ZNF239: variants seen among roughly 807,000 people sequenced by gnomAD.
The protein encoded by ZNF239 is zinc finger protein 239.
In ZNF239, 16 loss-of-function variants were observed where a neutral mutation model predicts 27.5. That is an observed-to-expected ratio of 0.58 (90% CI 0.39 to 0.88). The LOEUF (loss-of-function observed/expected upper bound fraction) is 0.88. ZNF239 is among the 40% of genes least tolerant of loss of function. ZNF239 has a pLI of 0.00. For synonymous variants in ZNF239, 199 were observed against 192.6 expected (o/e 1.03, Z -0.27); for missense variants, 527 against 551.9 (o/e 0.95, Z 0.45).
At chr10:43,559,375 G>A (rs551869814) in intron 3 of ZNF239, among the ~76,000 whole-genome samples, 1 of 152,292 alleles carries the variant, frequency 6.6e-6, no homozygotes, top group South Asian at 2.1e-4. Flanking sequence ...GAGAGAATAG[G>A]AGAAATTCAT....
Position 43,565,935 on chromosome 10 carries a change from T to A in ZNF239, c.-93+1964A>T, listed in dbSNP as rs1045129273. Reference sequence around the variant, plus strand: ...CTATGATTTCATGCATGACAAAGAATTTCAAGAGAAGGTCAACACTATAGA... The same window carrying A: ...CTATGATTTCATGCATGACAAAGAAATTCAAGAGAAGGTCAACACTATAGA... On this transcript the variant is annotated intron_variant, in intron 3 of 3. Transcript: ENST00000374446. Among the ~76,000 whole-genome samples, 25 of 151,186 alleles carry A rather than the reference T, an allele frequency of 1.7e-4. 1 individual carries two copies. Among genetic ancestry groups the A allele is most frequent in the Non-Finnish European group, 2.9e-4 (20 of 67,904 alleles).
At chr10:43,562,240 A>G (rs978825351) in intron 3 of ZNF239, among the ~76,000 whole-genome samples, 2 of 152,248 alleles carry the variant, frequency 1.3e-5, no homozygotes, top group Non-Finnish European at 2.9e-5. Context: ...ACCATTTTCC[A>G]CCTGTTACAC....
chr10:43,565,964 C>G (rs1271911289), intron 3 of ZNF239, among the ~76,000 whole-genome samples: 1 of 151,486 alleles, frequency 6.6e-6, no homozygotes, highest in Non-Finnish European at 1.5e-5. Flanking sequence ...CTATAGAAAC[C>G]ATCAATAAAA....
intron 3 of ZNF239, among the ~76,000 whole-genome samples, chr10:43,559,492 T>C (rs547228064): frequency 6.6e-6 from 1 of 152,112 alleles, no homozygotes; most frequent in East Asian, 1.9e-4. Flanking sequence ...TATAATCAGA[T>C]AGGAAATGCA....
At chr10:43,565,200 C>T (rs1365718242) in intron 3 of ZNF239, among the ~76,000 whole-genome samples, 2 of 152,152 alleles carry the variant, frequency 1.3e-5, no homozygotes, top group African/African-American at 4.8e-5. Context: ...TCTCCTGCCT[C>T]AGCCTCCTGA....
chr10:43,562,781 T>C (rs1304741439), intron 3 of ZNF239, among the ~76,000 whole-genome samples: 1 of 151,790 alleles, frequency 6.6e-6, no homozygotes, highest in Non-Finnish European at 1.5e-5. Context: ...ATGGCAAAAA[T>C]GAAAAAGAAA....
intron 2 of ZNF239, chr10:43,568,561 A>C: frequency 1.5e-6 from 1 of 685,164 alleles, no homozygotes; most frequent in African/African-American, 1.9e-5. Flanking sequence ...TTCTAAACTA[A>C]GTAGTTGAAC....
At chr10:43,558,558 C>T (rs1232626568) in intron 3 of ZNF239, among the ~76,000 whole-genome samples, 2 of 152,046 alleles carry the variant, frequency 1.3e-5, no homozygotes, top group Non-Finnish European at 2.9e-5. Flanking sequence ...AAGCAATTTT[C>T]CCACCTCAGC....
chr10:43,559,022 AG>A, intron 3 of ZNF239, among the ~76,000 whole-genome samples: 1 of 152,312 alleles, frequency 6.6e-6, no homozygotes, highest in South Asian at 2.1e-4. Context: ...AGAAAATGAC[AG>A]GAAAAACAAA....
intron 3 of ZNF239, among the ~76,000 whole-genome samples, chr10:43,559,460 G>C (rs535750380): frequency 1.3e-5 from 2 of 152,334 alleles, no homozygotes; most frequent in African/African-American, 4.8e-5. Flanking sequence ...ATTCCTGCCT[G>C]AGTGACGGTA....
At position 43,557,819 on chromosome 10, in the gene ZNF239, C is replaced by T. The variant is rs1374361657; in HGVS notation, c.261G>A (p.Gln87=). The change falls in exon 4 of 4, where the codon CAG becomes CAA. Residue 87 remains glutamine (Q), a synonymous_variant. Transcript: ENST00000374446. ...SSVKFCKNEP[Q]DHQESRRLFV... ...AGAGACGTCTGCTTTCCTGATGATC[C>T]TGAGGCTCATTCTTACAGAACTTCA... 1.1e-5 allele frequency: 18 copies of T among 1,614,098 alleles called. No homozygotes were observed. Among genetic ancestry groups the T allele is most frequent in the Non-Finnish European group, 1.5e-5 (18 of 1,180,056 alleles).
intron 3 of ZNF239, among the ~76,000 whole-genome samples, chr10:43,566,872 T>A (rs547404349): frequency 6.6e-5 from 10 of 152,248 alleles, no homozygotes; most frequent in Non-Finnish European, 1.3e-4. Flanking sequence ...TTAGACTAGA[T>A]ATCTAAAAAA....
intron 2 of ZNF239, among the ~76,000 whole-genome samples, chr10:43,573,238 A>C (rs1293099259): frequency 1.3e-5 from 2 of 152,246 alleles, no homozygotes; most frequent in Non-Finnish European, 2.9e-5. Flanking sequence ...ATGTTCATCA[A>C]GATGGTAAGC....
chr10:43,568,071 GC>G, intron 2 of ZNF239, 50 bp from the exon 3 acceptor site: 1 of 985,830 alleles, frequency 1.0e-6, no homozygotes, highest in African/African-American at 1.7e-5. Context: ...CTGCACAAAT[GC>G]CCTGCAAGTG....
Position 43,558,055 on chromosome 10 carries a change from G to A in ZNF239, c.25C>T (p.Gln9Ter), listed in dbSNP as rs1216399311. 6.2e-7 allele frequency: 1 copy of A among 1,613,804 alleles called. No individual in the cohort carries two copies. The highest frequency in any genetic ancestry group is 1.1e-5 in the South Asian group (1 of 91,042). Residue 9 changes from glutamine (Q) to a stop codon, truncating the protein, a stop_gained, in exon 4 of 4, where the codon CAG becomes TAG. Transcript: ENST00000374446. LOFTEE classifies it low-confidence loss of function (END_TRUNC). MASTITGS[Q>*]DCIVNHRGEV... ...CCTCGATGATTCACAATACAATCCT[G>A]ACTTCCAGTAATTGTACTGGCCATG... is the stretch of plus-strand genomic sequence containing the variant.
At position 43,557,694 on chromosome 10, in the gene ZNF239, G is replaced by A. The variant is rs372932484; in HGVS notation, c.386C>T (p.Ser129Leu). ...KLVSDGQELA[S>L]PLLNGEATCQ... ...AGTTGCCTCACCATTTAACAATGGCGAGGCCAGTTCTTGTCCATCAGACAC... is the reference window on the plus strand; with the variant it reads ...AGTTGCCTCACCATTTAACAATGGCAAGGCCAGTTCTTGTCCATCAGACAC... The change falls in exon 4 of 4, where the codon TCG becomes TTG. Residue 129 changes from serine to leucine, a missense_variant. Coordinates refer to ENST00000374446, the MANE Select transcript of ZNF239 (RefSeq NM_001099282.2). The A allele has an allele frequency of 1.7e-5, 27 of 1,613,994 alleles. No homozygotes were observed. The highest frequency in any genetic ancestry group is 1.2e-4 in the African/African-American group (9 of 74,918).
intron 3 of ZNF239, among the ~76,000 whole-genome samples, chr10:43,558,878 A>G (rs1837006359): frequency 6.6e-6 from 1 of 152,200 alleles, no homozygotes. Flanking sequence ...TACACCAAAT[A>G]ATGATAATAC....
Position 43,557,504 on chromosome 10 carries a change from T to C in ZNF239, c.576A>G (p.Pro192=), listed in dbSNP as rs1361487496. ...GGATTTTCTCATATGGATGACCATC[T>C]GGGCTGGTGTTAAGTATTTTCCCAC... ...NNCGKILNTS[P]DGHPYEKIHT... Residue 192 remains proline (P), a synonymous_variant, in exon 4 of 4, where the codon CCA becomes CCG. Transcript: ENST00000374446. The C allele has an allele frequency of 5.0e-6, 8 of 1,614,108 alleles. No individual in the cohort carries two copies. The highest frequency in any genetic ancestry group is 5.9e-6 in the Non-Finnish European group (7 of 1,180,052).
rs771676428 is a variant in ZNF239, at chr10:43,557,345, T to G, written c.735A>C (p.Thr245=). Residue 245 remains threonine, a synonymous_variant, in exon 4 of 4, where the codon ACA becomes ACC. Transcript: ENST00000374446. ...GATGGATAAGCAGACTCGAGCTCCT[T>G]GTGAAGCCCTTCCCACATTGCTCAC... The part of the protein sequence containing the change: ...YKCEQCGKGF[T]RSSSLLIHQA... The G allele has an allele frequency of 6.2e-7, 1 of 1,613,244 alleles. No homozygotes were observed. The highest frequency in any genetic ancestry group is 8.5e-7 in the Non-Finnish European group (1 of 1,179,724).
Sources: allele counts gnomAD v4.1 joint callset (sites outside exome capture counted in the v4.1 genomes callset), GRCh38; gene constraint gnomAD v4.1.1; transcripts MANE v1.5; gene names NCBI Gene and HGNC (gene_info 2026-07-23, HGNC 2026-07-21).